The following ARHGAP42 variants were observed in gnomAD, a reference collection of about 807,000 sequenced individuals.
ARHGAP42 encodes the protein Rho GTPase activating protein 42.
In ARHGAP42, 63 loss-of-function variants were observed where a neutral mutation model predicts 125.0. The observed-to-expected ratio is 0.50, with a 90% CI of 0.41 to 0.62. The LOEUF (loss-of-function observed/expected upper bound fraction) is 0.62, where lower values mean the gene tolerates loss of function less well. Among genes scored for constraint, ARHGAP42 ranks in the 20% least tolerant of loss-of-function variants. ARHGAP42 has a pLI of 0.00. For missense variants in ARHGAP42, 766 were observed against 1,024.2 expected, an observed-to-expected ratio of 0.75 and a Z score of 3.44; for synonymous variants, 339 against 351.0, an observed-to-expected ratio of 0.97 and a Z score of 0.38.
At chr11:100,915,200 G>A (rs1261559683) in intron 5 of ARHGAP42, among the ~76,000 whole-genome samples, 1 of 152,164 alleles carries the variant, frequency 6.6e-6, no homozygotes, top group Non-Finnish European at 1.5e-5. Flanking sequence ...TAACCTTACT[G>A]TATTTGGTAC....
chr11:100,736,661 C>A (rs1864054391), intron 1 of ARHGAP42, among the ~76,000 whole-genome samples: 1 of 152,172 alleles, frequency 6.6e-6, no homozygotes, highest in African/African-American at 2.4e-5. Flanking sequence ...CTGCCACTTG[C>A]AGCAGATTTA....
intron 6 of ARHGAP42, among the ~76,000 whole-genome samples, chr11:100,925,930 T>C (rs1867409096): frequency 6.6e-6 from 1 of 152,048 alleles, no homozygotes. Context: ...GGTTATAATA[T>C]TCACCTACTG....
rs1861744191 is a variant in ARHGAP42, at chr11:100,720,689, T to G, written c.154+32857T>G. 2.0e-5 allele frequency among the ~76,000 whole-genome samples: 3 copies of G among 152,182 alleles called. No homozygotes were observed. The South Asian group carries it at 6.2e-4, about 32-fold the overall frequency. ...CTGTATTGGTTGAGATAACCTTTTT[T>G]TTTTGAGAGCCTAACATTGACATGT... On this transcript the variant is annotated intron_variant, in intron 1 of 23. Coordinates refer to ENST00000298815, the MANE Select transcript of ARHGAP42 (RefSeq NM_152432.4).
intron 5 of ARHGAP42, among the ~76,000 whole-genome samples, chr11:100,916,381 A>G (rs554639575): frequency 6.6e-6 from 1 of 152,254 alleles, no homozygotes; most frequent in South Asian, 2.1e-4. Flanking sequence ...TGGGGCTATC[A>G]TCTCTTATAT....
chr11:100,922,565 C>T (rs1867309181), intron 6 of ARHGAP42, among the ~76,000 whole-genome samples: 1 of 152,058 alleles, frequency 6.6e-6, no homozygotes. Flanking sequence ...CTAATCTAAG[C>T]CATTCTTTTC....
At chr11:100,858,623 A>C (rs1001293942) in intron 3 of ARHGAP42, among the ~76,000 whole-genome samples, 2 of 152,178 alleles carry the variant, frequency 1.3e-5, no homozygotes, top group African/African-American at 2.4e-5. Flanking sequence ...AGGTTAGAAA[A>C]ATAGTACATG....
intron 4 of ARHGAP42, among the ~76,000 whole-genome samples, chr11:100,880,102 T>G (rs1487710125): frequency 6.6e-6 from 1 of 152,232 alleles, no homozygotes; most frequent in Non-Finnish European, 1.5e-5. Context: ...TGTTTTTCTT[T>G]TAATTTTTTT....
chr11:100,744,538 C>CTG (rs34640167), intron 1 of ARHGAP42, among the ~76,000 whole-genome samples: 5,384 of 148,544 alleles, frequency 0.036, 96 homozygotes, highest in South Asian at 0.042. Context: ...ATATTTTACT[C>CTG]TGTGTGTGTG....
intron 12 of ARHGAP42, among the ~76,000 whole-genome samples, chr11:100,957,233 T>A (rs1247320018): frequency 6.6e-6 from 1 of 152,090 alleles, no homozygotes; most frequent in East Asian, 1.9e-4. Context: ...TAATTAGAAC[T>A]AATGACTGGC....
In ARHGAP42 at chr11:100,992,909, G is replaced by A. The variant is rs567254470; in HGVS notation, c.*4108G>A. On this transcript the variant is annotated 3_prime_UTR_variant, in exon 24 of 24. Transcript: ENST00000298815. The stretch of plus-strand genomic sequence containing the variant: ...CAGCCCATCATTCCTTTTCCCCTTG[G>A]CACTCATGAGAGAGATGCCAAGTTC... The A allele has an allele frequency of 2.8e-5, 15 of 532,896 alleles. No individual in the cohort carries two copies. The highest frequency in any genetic ancestry group is 1.4e-4 in the African/African-American group (7 of 51,466). 33.0% of individuals were successfully genotyped at this position (532,896 alleles called of 1,614,324 possible).
chr11:100,754,612 C>T (rs1199217734), intron 1 of ARHGAP42, among the ~76,000 whole-genome samples: 1 of 152,144 alleles, frequency 6.6e-6, no homozygotes, highest in Non-Finnish European at 1.5e-5. Flanking sequence ...ACATTAATTT[C>T]TTTATAGATG....
intron 5 of ARHGAP42, among the ~76,000 whole-genome samples, chr11:100,919,941 G>A (rs559976680): frequency 1.3e-5 from 2 of 152,214 alleles, no homozygotes; most frequent in African/African-American, 4.8e-5. Flanking sequence ...TGCAAATCAG[G>A]CTTTTCTCCC....
At chr11:100,702,321 CACA>C (rs1861410429) in intron 1 of ARHGAP42, among the ~76,000 whole-genome samples, 1 of 152,094 alleles carries the variant, frequency 6.6e-6, no homozygotes, top group South Asian at 2.1e-4. Flanking sequence ...TTAAAACACA[CACA>C]ACATTTATTG....
chr11:100,962,470 A>G lies in ARHGAP42; in HGVS notation c.1444+3A>G. 1 of 1,548,102 alleles carries G rather than the reference A, an allele frequency of 6.5e-7. No homozygotes were observed. Among genetic ancestry groups the G allele is most frequent in the Non-Finnish European group, 8.7e-7 (1 of 1,143,918 alleles). On this transcript the variant is annotated splice_donor_region_variant and intron_variant, in intron 16 of 23. Coordinates refer to ENST00000298815, the MANE Select transcript of ARHGAP42 (RefSeq NM_152432.4). ...CAAAGATTTTATCATTGCTGTTAGT[A>G]AGTATACTTGCATCATATACACATT...
intron 3 of ARHGAP42, among the ~76,000 whole-genome samples, chr11:100,842,728 A>G (rs1272579031): frequency 1.3e-5 from 2 of 152,166 alleles, no homozygotes; most frequent in South Asian, 2.1e-4. Context: ...CCATTGGGTC[A>G]ACAATGAAAT....
chr11:100,739,935 A>G (rs1862148298), intron 1 of ARHGAP42, among the ~76,000 whole-genome samples: 1 of 152,188 alleles, frequency 6.6e-6, no homozygotes, highest in South Asian at 2.1e-4. Flanking sequence ...ACTAGTGGCA[A>G]AGGCTTTTAC....
intron 22 of ARHGAP42, among the ~76,000 whole-genome samples, chr11:100,980,199 G>C (rs1314485021): frequency 6.6e-6 from 1 of 152,080 alleles, no homozygotes; most frequent in Non-Finnish European, 1.5e-5. Context: ...CCTTACCTCT[G>C]TCAGCAGTGT....
At chr11:100,691,343 A>C (rs1292654343) in intron 1 of ARHGAP42, among the ~76,000 whole-genome samples, 1 of 152,152 alleles carries the variant, frequency 6.6e-6, no homozygotes, top group Non-Finnish European at 1.5e-5. Flanking sequence ...GAAACATTTC[A>C]AAATTGATTT....
intron 1 of ARHGAP42, among the ~76,000 whole-genome samples, chr11:100,725,679 T>C (rs535603022): frequency 6.6e-6 from 1 of 151,668 alleles, no homozygotes; most frequent in Non-Finnish European, 1.5e-5. Flanking sequence ...GGCTCACGCC[T>C]GGAATCGCAG....
Sources: allele counts gnomAD v4.1 joint callset (sites outside exome capture counted in the v4.1 genomes callset), GRCh38; gene constraint gnomAD v4.1.1; transcripts MANE v1.5; gene names NCBI Gene and HGNC (gene_info 2026-07-23, HGNC 2026-07-21).